FEM1B: variants seen among roughly 807,000 people sequenced by gnomAD.
The protein encoded by FEM1B is protein fem-1 homolog B.
FEM1B carries 10 observed loss-of-function variants against 38.6 expected under a neutral mutation model. The ratio of observed to expected loss-of-function variants is 0.26; its 90% CI spans 0.16 to 0.44. FEM1B has a LOEUF of 0.44. Among genes scored for constraint, FEM1B ranks in the 20% least tolerant of loss-of-function variants. The pLI is 1.00. For synonymous variants in FEM1B, 288 were observed against 288.0 expected (o/e 1.00, Z 0.00); for missense variants, 471 against 786.7 (o/e 0.60, Z 4.80).
At chr15:68,283,759 T>C (rs1217567357) in intron 1 of FEM1B, among the ~76,000 whole-genome samples, 1 of 152,156 alleles carries the variant, frequency 6.6e-6, no homozygotes, top group Non-Finnish European at 1.5e-5. Flanking sequence ...TTTTATTATA[T>C]TAATCAGTTT....
Position 68,290,156 on chromosome 15 carries a change from C to A in FEM1B, c.798C>A (p.Asn266Lys). 1 of 1,614,040 alleles carries A rather than the reference C, an allele frequency of 6.2e-7. No individual in the cohort carries two copies. The highest frequency in any genetic ancestry group is 8.5e-7 in the Non-Finnish European group (1 of 1,180,010). The change falls in exon 2 of 2, where the codon AAC becomes AAA. Residue 266 changes from asparagine to lysine, a missense_variant. Coordinates refer to ENST00000306917, the MANE Select transcript of FEM1B (RefSeq NM_015322.5). The surrounding 1 kb of genome is among the most constrained non-coding windows in gnomAD (Gnocchi z 9.7). ...CCTCCTTTGCAAATGACCGTGAGAA[C>A]TATGACATCATAAAGACATACCACT... Reference protein sequence around the residue: ...LGASFANDRENYDIIKTYHYL... With the variant: ...LGASFANDREKYDIIKTYHYL...
rs1003220161 is a variant in FEM1B at position 68,294,139 on chromosome 15, G to A, written c.*2897G>A. The stretch of plus-strand genomic sequence containing the variant: ...AAGTTAACTATTTAACTCAAGGAAT[G>A]GGCGGCAAACCCATCCCCTCGATTG... On this transcript the variant is annotated 3_prime_UTR_variant, in exon 2 of 2. Transcript: ENST00000306917. This position sits in a 1 kb window ranked among gnomAD's most constrained non-coding sequence, Gnocchi z 4.4. The A allele has an allele frequency of 6.6e-6, 1 of 152,156 alleles. No homozygotes were observed. The highest frequency in any genetic ancestry group is 2.4e-5 in the African/African-American group (1 of 41,434). The allele number at this position is 152,156 out of a possible 1,614,324, so 9.4% of individuals were successfully genotyped here.
rs1355146113 is a variant in FEM1B at position 68,281,538 on chromosome 15, G to A, written c.248+2873G>A. On this transcript the variant is annotated intron_variant, in intron 1 of 1. Transcript: ENST00000306917. This position sits in a 1 kb window ranked among gnomAD's most constrained non-coding sequence, Gnocchi z 5.1. Reference sequence around the variant, plus strand: ...CCTAAAACCTTCTATAATACCTTAGGAAACTAAAGTGGATTCATGATAGAG... The same window carrying A: ...CCTAAAACCTTCTATAATACCTTAGAAAACTAAAGTGGATTCATGATAGAG... 1.3e-5 allele frequency among the ~76,000 whole-genome samples: 2 copies of A among 151,994 alleles called. No individual in the cohort carries two copies. Among genetic ancestry groups the A allele is most frequent in the Non-Finnish European group, 2.9e-5 (2 of 68,020 alleles).
chr15:68,295,776 CCTAATAA>C lies in FEM1B; in HGVS notation c.*4537_*4543del, dbSNP rs973023149. On this transcript the variant is annotated 3_prime_UTR_variant, in exon 2 of 2. Transcript: ENST00000306917. ...TTTTAGTTTCATGGCAATTGACAGT[CCTAATAA>C]CTCAGCTAATTTGAAACTAACAATC... The C allele has an allele frequency of 6.6e-6, 1 of 151,994 alleles. No individual in the cohort carries two copies. The highest frequency in any genetic ancestry group is 1.5e-5 in the Non-Finnish European group (1 of 67,992). The allele number at this position is 151,994 out of a possible 1,614,324, so 9.4% of individuals were successfully genotyped here.
intron 1 of FEM1B, chr15:68,279,827 A>C (rs1341485984): frequency 6.6e-6 from 1 of 152,228 alleles, no homozygotes; most frequent in Non-Finnish European, 1.5e-5. Flanking sequence ...GCCCATGGGC[A>C]ATGGCTTATA....
chr15:68,282,255 G>T (rs1341216596), intron 1 of FEM1B, among the ~76,000 whole-genome samples: 1 of 138,682 alleles, frequency 7.2e-6, no homozygotes, highest in Non-Finnish European at 1.7e-5. Flanking sequence ...GCTTTTTGTT[G>T]AGTGTTGTTC....
chr15:68,294,971 C>T lies in FEM1B; in HGVS notation c.*3729C>T, dbSNP rs1892888340. ...AAGTAGAAAACTCCTATGTGTTTAT[C>T]ACATTGCAGGGCTTTCTTATGTATT... On this transcript the variant is annotated 3_prime_UTR_variant, in exon 2 of 2. Transcript: ENST00000306917. This position sits in a 1 kb window ranked among gnomAD's most constrained non-coding sequence, Gnocchi z 4.4. 6.6e-6 allele frequency: 1 copy of T among 152,164 alleles called. No individual in the cohort carries two copies. The allele number at this position is 152,164 out of a possible 1,614,324, so 9.4% of individuals were successfully genotyped here.
intron 1 of FEM1B, among the ~76,000 whole-genome samples, chr15:68,282,065 T>A (rs992056352): frequency 4.6e-5 from 7 of 152,124 alleles, no homozygotes; most frequent in African/African-American, 1.4e-4. Flanking sequence ...GGAAGCTGTT[T>A]GTTAAGAATG....
rs1373520267 is a variant in FEM1B at position 68,291,734 on chromosome 15, T to C, written c.*492T>C. On this transcript the variant is annotated 3_prime_UTR_variant, in exon 2 of 2. Transcript: ENST00000306917. The surrounding 1 kb of genome is among the most constrained non-coding windows in gnomAD (Gnocchi z 6.9). ...AACTGCTGTAGATAGTTTACACTCT[T>C]CCATTATTTATACGGAGTGATGCAG... is the stretch of plus-strand genomic sequence containing the variant. 1 of 153,334 alleles carries C rather than the reference T, an allele frequency of 6.5e-6. No homozygotes were observed. Among genetic ancestry groups the C allele is most frequent in the Non-Finnish European group, 1.5e-5 (1 of 68,868 alleles). 9.5% of individuals were successfully genotyped at this position (153,334 alleles called of 1,614,324 possible).
In FEM1B at chr15:68,288,269, A is replaced by G. The variant is rs908167721; in HGVS notation, c.249-1338A>G. Reference sequence around the variant, plus strand: ...ATTTTGGTGGGAACACATTCAAACTATAGCACCAGGAGCATTATTCTCTTT... The same window carrying G: ...ATTTTGGTGGGAACACATTCAAACTGTAGCACCAGGAGCATTATTCTCTTT... On this transcript the variant is annotated intron_variant, in intron 1 of 1. Coordinates refer to ENST00000306917, the MANE Select transcript of FEM1B (RefSeq NM_015322.5). This position sits in a 1 kb window ranked among gnomAD's most constrained non-coding sequence, Gnocchi z 4.6. Among the ~76,000 whole-genome samples, 5 of 152,248 alleles carry G rather than the reference A, an allele frequency of 3.3e-5. No homozygotes were observed. Among genetic ancestry groups the G allele is most frequent in the Non-Finnish European group, 7.3e-5 (5 of 68,044 alleles).
rs780026098 is a variant in FEM1B, at chr15:68,278,565, C to T, written c.148C>T (p.Leu50Phe). Residue 50 changes from leucine to phenylalanine, a missense_variant, in exon 1 of 2, where the codon CTC becomes TTC. Coordinates refer to ENST00000306917, the MANE Select transcript of FEM1B (RefSeq NM_015322.5). The surrounding 1 kb of genome is among the most constrained non-coding windows in gnomAD (Gnocchi z 5.7). Reference sequence around the variant, plus strand: ...GCAGGGAGGGCAGCGCTCCACGCCCCTCATCATCGCAGCCCGCAATGGACA... The same window carrying T: ...GCAGGGAGGGCAGCGCTCCACGCCCTTCATCATCGCAGCCCGCAATGGACA... Reference protein sequence around the residue: ...SQQGGQRSTPLIIAARNGHAK... With the variant: ...SQQGGQRSTPFIIAARNGHAK... 1 of 1,614,164 alleles carries T rather than the reference C, an allele frequency of 6.2e-7. No homozygotes were observed. Among genetic ancestry groups the T allele is most frequent in the East Asian group, 2.2e-5 (1 of 44,876 alleles).
Position 68,291,594 on chromosome 15 carries a change from TGTTAAGCCTATGTCA to T in FEM1B, c.*354_*368del. On this transcript the variant is annotated 3_prime_UTR_variant, in exon 2 of 2. Transcript: ENST00000306917. The surrounding 1 kb of genome is among the most constrained non-coding windows in gnomAD (Gnocchi z 6.9). Reference sequence around the variant, plus strand: ...AAACAGCTGCTTACAAAAGTATTTCTGTTAAGCCTATGTCAGCATGTTATCCATGCAGCAGTTTTG... The same window carrying T: ...AAACAGCTGCTTACAAAAGTATTTCTGCATGTTATCCATGCAGCAGTTTTG... 4.7e-6 allele frequency: 1 copy of T among 213,316 alleles called. No individual in the cohort carries two copies. Among genetic ancestry groups the T allele is most frequent in the Non-Finnish European group, 9.2e-6 (1 of 108,194 alleles). The allele number at this position is 213,316 out of a possible 1,614,324, so 13.2% of individuals were successfully genotyped here.
rs141234260 is a variant in FEM1B at position 68,287,360 on chromosome 15, T to C, written c.249-2247T>C. Among the ~76,000 whole-genome samples, 379 of 152,334 alleles carry C rather than the reference T, an allele frequency of 2.5e-3. 2 individuals are homozygous for C. The highest frequency in any genetic ancestry group is 8.8e-3 in the African/African-American group (365 of 41,578). On this transcript the variant is annotated intron_variant, in intron 1 of 1. Transcript: ENST00000306917. ...GGTGAGTTTTTTCCCTAAATATCCA[T>C]GTGGCTGCTACCCAGATGAAAATGT...
Position 68,278,474 on chromosome 15 carries a change from T to C in FEM1B, c.57T>C (p.Thr19=). Residue 19 remains threonine, a synonymous_variant, in exon 1 of 2, where the codon ACT becomes ACC. Transcript: ENST00000306917. The surrounding 1 kb of genome is among the most constrained non-coding windows in gnomAD (Gnocchi z 5.7). ...YKAASEGKVL[T]LAALLLNRSE... ...CGGCCAGCGAGGGCAAGGTGCTGAC[T>C]CTGGCCGCCTTGCTTCTCAACCGGT... 1.9e-6 allele frequency: 3 copies of C among 1,613,798 alleles called. No homozygotes were observed. Among genetic ancestry groups the C allele is most frequent in the Non-Finnish European group, 2.5e-6 (3 of 1,180,016 alleles).
At position 68,293,260 on chromosome 15, in the gene FEM1B, G is replaced by A. The variant is rs1892866128; in HGVS notation, c.*2018G>A. On this transcript the variant is annotated 3_prime_UTR_variant, in exon 2 of 2. Transcript: ENST00000306917. This position sits in a 1 kb window ranked among gnomAD's most constrained non-coding sequence, Gnocchi z 5.8. Reference sequence around the variant, plus strand: ...AGGCCTGCTTATTGGACAGTCTAAGGAATAGCTTTGATACTTGGTATTCAG... The same window carrying A: ...AGGCCTGCTTATTGGACAGTCTAAGAAATAGCTTTGATACTTGGTATTCAG... The A allele has an allele frequency of 6.6e-6, 1 of 152,130 alleles. No homozygotes were observed. The highest frequency in any genetic ancestry group is 1.5e-5 in the Non-Finnish European group (1 of 67,996). The allele number at this position is 152,130 out of a possible 1,614,324, so 9.4% of individuals were successfully genotyped here.
Position 68,284,379 on chromosome 15 carries a change from TAAATTACTTGAATTG to T in FEM1B, c.249-5215_249-5201del, listed in dbSNP as rs1468311541. Among the ~76,000 whole-genome samples the T allele has an allele frequency of 5.2e-4, 79 of 152,318 alleles. No homozygotes were observed. Among genetic ancestry groups the T allele is most frequent in the African/African-American group, 1.8e-3 (76 of 41,562 alleles). On this transcript the variant is annotated intron_variant, in intron 1 of 1. Transcript: ENST00000306917. The surrounding 1 kb of genome is among the most constrained non-coding windows in gnomAD (Gnocchi z 4.4). ...TATAAATTACCAAAGTAATTTGGTA[TAAATTACTTGAATTG>T]AAATTACTTGAAATTGAAATTACTT...
chr15:68,289,653 G>A lies in FEM1B; in HGVS notation c.295G>A (p.Gly99Arg). Reference protein sequence around the residue: ...ATALWCAAGAGHFEVVKLLVS... With the variant: ...ATALWCAAGARHFEVVKLLVS... ...TGCTCTTTGGTGTGCAGCTGGAGCAGGACATTTTGAAGTTGTTAAACTTCT... is the reference window on the plus strand; with the variant it reads ...TGCTCTTTGGTGTGCAGCTGGAGCAAGACATTTTGAAGTTGTTAAACTTCT... The change falls in exon 2 of 2, where the codon GGA becomes AGA. Residue 99 changes from glycine to arginine, a missense_variant. Physicochemically the swap from Gly to Arg is moderately radical, Grantham distance 125 (BLOSUM62 -2). Around this residue, in one of 3 missense-constraint regions of FEM1B, gnomAD observed 91 missense variants for 169.6 expected, o/e 0.54. Transcript: ENST00000306917. The surrounding 1 kb of genome is among the most constrained non-coding windows in gnomAD (Gnocchi z 6.9). 6.2e-7 allele frequency: 1 copy of A among 1,614,106 alleles called. No homozygotes were observed. The highest frequency in any genetic ancestry group is 8.5e-7 in the Non-Finnish European group (1 of 1,180,004).
Position 68,277,982 on chromosome 15 carries a change from G to C in FEM1B, c.-436G>C, listed in dbSNP as rs1015251022. The C allele has an allele frequency of 6.1e-5, 11 of 179,250 alleles. No homozygotes were observed. The highest frequency in any genetic ancestry group is 1.0e-4 in the Non-Finnish European group (9 of 86,226). The allele number at this position is 179,250 out of a possible 1,614,324, so 11.1% of individuals were successfully genotyped here. On this transcript the variant is annotated 5_prime_UTR_variant, in exon 1 of 2. Coordinates refer to ENST00000306917, the MANE Select transcript of FEM1B (RefSeq NM_015322.5). ...CAGTGTTAGGCCTTAGGCCGGGTGGGCCGGGTCAGGAGAGACGCGCCCATC... is the reference window on the plus strand; with the variant it reads ...CAGTGTTAGGCCTTAGGCCGGGTGGCCCGGGTCAGGAGAGACGCGCCCATC...
At position 68,294,636 on chromosome 15, in the gene FEM1B, C is replaced by T. The variant is rs1020280720; in HGVS notation, c.*3394C>T. 9.3e-5 allele frequency: 14 copies of T among 151,154 alleles called. No individual in the cohort carries two copies. The highest frequency in any genetic ancestry group is 1.6e-4 in the Non-Finnish European group (11 of 67,810). The allele number at this position is 151,154 out of a possible 1,614,324, so 9.4% of individuals were successfully genotyped here. ...GTGGGATGAGGAGTGAGTTGCCAGA[C>T]CTTTGATTAGTTTGCTGGTTTAGAA... is the stretch of plus-strand genomic sequence containing the variant. On this transcript the variant is annotated 3_prime_UTR_variant, in exon 2 of 2. Transcript: ENST00000306917. This position sits in a 1 kb window ranked among gnomAD's most constrained non-coding sequence, Gnocchi z 4.4.
Sources: allele counts gnomAD v4.1 joint callset (sites outside exome capture counted in the v4.1 genomes callset), GRCh38; gene constraint gnomAD v4.1.1; regional missense constraint gnomAD v4.1.1; non-coding constraint Gnocchi (gnomAD v3.1); transcripts MANE v1.5; gene names NCBI Gene and HGNC (gene_info 2026-07-23, HGNC 2026-07-21).